The following TMPRSS11F variants were observed in gnomAD, a reference collection of about 807,000 sequenced individuals.
TMPRSS11F encodes transmembrane serine protease 11F, also known as transmembrane protease serine 11F.
Under a neutral mutation model 60.2 loss-of-function variants are expected in TMPRSS11F, and 47 were observed. The ratio of observed to expected loss-of-function variants is 0.78; its 90% CI spans 0.62 to 1.00. The LOEUF (loss-of-function observed/expected upper bound fraction) is 1.00. Among genes scored for constraint, TMPRSS11F ranks in the 50% least tolerant of loss-of-function variants. The probability of loss-of-function intolerance (pLI) is 0.00; values close to 1 mark genes in which losing one functional copy is unlikely to be tolerated. For synonymous variants in TMPRSS11F, 166 were observed against 167.3 expected (o/e 0.99, Z 0.06); for missense variants, 519 against 522.9 (o/e 0.99, Z 0.07).
At chr4:68,112,194 G>A (rs1161042648) in intron 1 of TMPRSS11F, among the ~76,000 whole-genome samples, 1 of 152,078 alleles carries the variant, frequency 6.6e-6, no homozygotes, top group Non-Finnish European at 1.5e-5. Context: ...GACGTTTCAA[G>A]TTCAGTGAGT....
Position 68,074,139 on chromosome 4 carries a change from T to C in TMPRSS11F, c.283-130A>G, listed in dbSNP as rs527860173. ...TTATCTAGAGACTTGGGCAAAAAAA[T>C]AAAAATAAAAAAGATTTTCAGCTTA... On this transcript the variant is annotated intron_variant, in intron 3 of 9. Coordinates refer to ENST00000356291, the MANE Select transcript of TMPRSS11F (RefSeq NM_207407.2). The C allele has an allele frequency of 9.7e-6, 5 of 516,438 alleles. No homozygotes were observed. In the Admixed American group the frequency reaches 1.2e-4, roughly 13 times the overall value. The allele number at this position is 516,438 out of a possible 1,614,324, so 32.0% of individuals were successfully genotyped here. A position where few individuals can be genotyped will look rare whatever the true frequency, so the allele number is the denominator to read the frequency against.
chr4:68,055,900 C>T (rs548665020), intron 9 of TMPRSS11F, among the ~76,000 whole-genome samples: 1 of 152,202 alleles, frequency 6.6e-6, no homozygotes, highest in East Asian at 1.9e-4. Context: ...TCAATATATT[C>T]AAATCAATAA....
chr4:68,102,303 G>A (rs1238494134), intron 1 of TMPRSS11F, among the ~76,000 whole-genome samples: 1 of 152,118 alleles, frequency 6.6e-6, no homozygotes, highest in African/African-American at 2.4e-5. Flanking sequence ...ATCTTTACCA[G>A]ATGACGATTT....
intron 3 of TMPRSS11F, among the ~76,000 whole-genome samples, chr4:68,082,958 G>A (rs1019815163): frequency 6.6e-6 from 1 of 152,218 alleles, no homozygotes; most frequent in African/African-American, 2.4e-5. Flanking sequence ...GACAAAACCA[G>A]CTGGTTGGGC....
At chr4:68,110,679 A>G (rs1028907796) in intron 1 of TMPRSS11F, among the ~76,000 whole-genome samples, 13 of 152,168 alleles carry the variant, frequency 8.5e-5, no homozygotes, top group African/African-American at 3.1e-4. Flanking sequence ...TTCTTGCGAA[A>G]ATAAAATGAG....
chr4:68,072,046 G>A (rs1462545457), intron 5 of TMPRSS11F, among the ~76,000 whole-genome samples: 1 of 151,282 alleles, frequency 6.6e-6, no homozygotes, highest in African/African-American at 2.4e-5. Flanking sequence ...CTTACCCTTT[G>A]GAACTTTTGT....
At chr4:68,065,767 T>TAA (rs11439869) in intron 7 of TMPRSS11F, among the ~76,000 whole-genome samples, 12,392 of 147,716 alleles carry the variant, frequency 0.084, 647 homozygotes, top group East Asian at 0.18. Context: ...TTAAATGTAA[T>TAA]AAAAAAAAAA....
In TMPRSS11F at chr4:68,070,005, T is replaced by C. The variant is rs767501412; in HGVS notation, c.517A>G (p.Ile173Val). ...INKPSFRLTP[I>V]DSKKMRNLLN... is the part of the protein sequence containing the mutation. ...AGATTCCTCATCTTTTTGCTGTCAA[T>C]AGCTGGAATAAGCAAAACATGAATT... Residue 173 changes from isoleucine to valine, a missense_variant and splice_region_variant, in exon 6 of 10, where the codon ATT (isoleucine) becomes GTT (valine). Ile to Val is a conservative substitution (Grantham distance 29). Transcript: ENST00000356291. The C allele has an allele frequency of 1.2e-5, 20 of 1,603,448 alleles. No individual in the cohort carries two copies. The Admixed American group carries it at 2.7e-4, about 22-fold the overall frequency.
At chr4:68,094,264 T>C (rs1435769265) in intron 2 of TMPRSS11F, among the ~76,000 whole-genome samples, 2 of 117,024 alleles carry the variant, frequency 1.7e-5, no homozygotes, top group Non-Finnish European at 3.7e-5. Context: ...ATGGATGAAA[T>C]TGGAAATCAT....
chr4:68,072,363 T>C lies in TMPRSS11F; in HGVS notation c.474A>G (p.Gln158=). The C allele has an allele frequency of 6.2e-7, 1 of 1,604,614 alleles. No individual in the cohort carries two copies. Among genetic ancestry groups the C allele is most frequent in the South Asian group, 1.1e-5 (1 of 89,824 alleles). ...KALYQSLKTK[Q]LSLTINKPSF... is the part of the protein sequence containing the mutation. ...ATGGTTTGTTTATGGTCAAAGACAA[T>C]TGTTTGGTCTTCAAACTTTGATATA... is the stretch of plus-strand genomic sequence containing the variant. Residue 158 remains glutamine (Q), a synonymous_variant, in exon 5 of 10, where the codon CAA becomes CAG. Coordinates refer to ENST00000356291, the MANE Select transcript of TMPRSS11F (RefSeq NM_207407.2).
intron 1 of TMPRSS11F, among the ~76,000 whole-genome samples, chr4:68,111,681 T>C (rs1024544485): frequency 6.6e-6 from 1 of 152,188 alleles, no homozygotes; most frequent in African/African-American, 2.4e-5. Flanking sequence ...ATTTCTCCTT[T>C]GCAATATTTT....
At position 68,072,323 on chromosome 4, in the gene TMPRSS11F, G is replaced by A. The variant is rs113930693; in HGVS notation, c.514C>T (p.Pro172Ser). The A allele has an allele frequency of 3.1e-4, 482 of 1,545,136 alleles. 2 individuals carry two copies. In the African/African-American group the frequency reaches 5.0e-3, roughly 16 times the overall value. Reference sequence around the variant, plus strand: ...TGGCAAATAAAAATAAAAGACTTACGTGTGAGTCTAAATGATGGTTTGTTT... The same window carrying A: ...TGGCAAATAAAAATAAAAGACTTACATGTGAGTCTAAATGATGGTTTGTTT... Reference protein sequence around the residue: ...TINKPSFRLTPIDSKKMRNLL... With the variant: ...TINKPSFRLTSIDSKKMRNLL... The change falls in exon 5 of 10, where the codon CCT becomes TCT. Residue 172 changes from proline to serine, a missense_variant and splice_region_variant. By Grantham distance (74) the Pro-to-Ser change is moderately conservative. Coordinates refer to ENST00000356291, the MANE Select transcript of TMPRSS11F (RefSeq NM_207407.2).
intron 1 of TMPRSS11F, among the ~76,000 whole-genome samples, chr4:68,104,047 T>A (rs968495837): frequency 5.3e-5 from 8 of 152,182 alleles, no homozygotes; most frequent in African/African-American, 1.9e-4. Flanking sequence ...TCTAATAGTG[T>A]TTTGTGGCAT....
At chr4:68,113,206 A>C (rs997510622) in intron 1 of TMPRSS11F, among the ~76,000 whole-genome samples, 3 of 152,186 alleles carry the variant, frequency 2.0e-5, no homozygotes, top group Non-Finnish European at 4.4e-5. Context: ...AGGTCTCAGA[A>C]ATGAGAAACG....
intron 8 of TMPRSS11F, among the ~76,000 whole-genome samples, chr4:68,060,052 T>C (rs1000514701): frequency 6.6e-6 from 1 of 152,120 alleles, no homozygotes; most frequent in African/African-American, 2.4e-5. Flanking sequence ...CGAAAATAAG[T>C]AGTTTAGGGC....
At position 68,072,442 on chromosome 4, in the gene TMPRSS11F, C is replaced by T. The variant is rs373882010; in HGVS notation, c.395G>A (p.Arg132Gln). 22 of 1,584,512 alleles carry T rather than the reference C, an allele frequency of 1.4e-5. No individual in the cohort carries two copies. The highest frequency in any genetic ancestry group is 1.7e-5 in the Admixed American group (1 of 58,884). Residue 132 changes from arginine (R) to glutamine (Q), a missense_variant, in exon 5 of 10, where the codon CGA (arginine) becomes CAA (glutamine). Physicochemically the swap from Arg to Gln is conservative, Grantham distance 43. Coordinates refer to ENST00000356291, the MANE Select transcript of TMPRSS11F (RefSeq NM_207407.2). ...GVDILIVLIFRYPSTDSAEQI... is the reference protein window; with the variant it reads ...GVDILIVLIFQYPSTDSAEQI... ...TTCAGCACTATCAGTAGATGGGTATCGAAATATGAGCACTATAAGAATATC... is the reference window on the plus strand; with the variant it reads ...TTCAGCACTATCAGTAGATGGGTATTGAAATATGAGCACTATAAGAATATC...
chr4:68,068,077 A>G (rs1286025361), intron 7 of TMPRSS11F, among the ~76,000 whole-genome samples: 4 of 152,188 alleles, frequency 2.6e-5, no homozygotes, highest in African/African-American at 9.6e-5. Flanking sequence ...AGTCTTGAAT[A>G]CTGTGAGGGG....
At chr4:68,126,610 T>C (rs1724718074) in intron 1 of TMPRSS11F, among the ~76,000 whole-genome samples, 1 of 152,244 alleles carries the variant, frequency 6.6e-6, no homozygotes, top group Admixed American at 6.5e-5. Context: ...ATCTGTTCTT[T>C]GGTTTTAGCC....
chr4:68,081,190 G>A (rs1723690592), intron 3 of TMPRSS11F, among the ~76,000 whole-genome samples: 1 of 152,152 alleles, frequency 6.6e-6, no homozygotes, highest in Non-Finnish European at 1.5e-5. Flanking sequence ...GAAAGTTTTG[G>A]AGTCAATATC....
Sources: gnomAD v4.1 joint callset for allele counts (sites outside exome capture counted in the v4.1 genomes callset) on GRCh38, gnomAD v4.1.1 for gene constraint, MANE v1.5 for transcripts, NCBI Gene and HGNC (gene_info 2026-07-23, HGNC 2026-07-21) for gene names.